Variants in DARS2 observed in about 807,000 individuals in gnomAD.
DARS2 encodes the protein aspartyl-tRNA synthetase 2, mitochondrial.
DARS2 carries 63 observed loss-of-function variants against 83.0 expected under a neutral mutation model. The ratio of observed to expected loss-of-function variants is 0.76; its 90% CI spans 0.62 to 0.94. DARS2 has a LOEUF of 0.94. Ranked by LOEUF, DARS2 falls within the 40% of genes least tolerant of loss-of-function variation. DARS2 has a pLI of 0.00. For missense variants in DARS2, 675 were observed against 774.4 expected (o/e 0.87, Z 1.52); for synonymous variants, 250 against 269.3 (o/e 0.93, Z 0.70).
chr1:173,850,833 C>G (rs1285494017), intron 13 of DARS2, among the ~76,000 whole-genome samples: 1 of 151,762 alleles, frequency 6.6e-6, no homozygotes, highest in Non-Finnish European at 1.5e-5. Context: ...TCAAACTCCT[C>G]AGCTTAGGCA....
intron 2 of DARS2, 90 bp from the exon 3 acceptor site, chr1:173,828,243 A>C (rs371240023): frequency 4.6e-6 from 6 of 1,301,730 alleles, no homozygotes; most frequent in Middle Eastern, 3.7e-4. Flanking sequence ...AATTGCATGG[A>C]TTTTTGTTTG....
intron 7 of DARS2, among the ~76,000 whole-genome samples, chr1:173,835,011 ACCTGAAATGATCCG>A (rs1279258002): frequency 6.6e-6 from 1 of 151,426 alleles, no homozygotes; most frequent in East Asian, 1.9e-4. Flanking sequence ...CGAACACCTG[ACCTGAAATGATCCG>A]CACACCTTGG....
intron 5 of DARS2, among the ~76,000 whole-genome samples, chr1:173,831,878 C>T (rs1240237184): frequency 6.6e-6 from 1 of 152,158 alleles, no homozygotes; most frequent in Non-Finnish European, 1.5e-5. Context: ...AAATGTGATT[C>T]TCTCTTTAAA....
rs1158446508 is a variant in DARS2 at position 173,829,067 on chromosome 1, G to GA, written c.294+677dup. ...AATGAAGAAGTTCTATTCTAATAGG[G>GA]AAAAAAAAATCCAAGGAATACTGTT... is the stretch of plus-strand genomic sequence containing the variant. On this transcript the variant is annotated intron_variant, in intron 3 of 16. Transcript: ENST00000649689. Among the ~76,000 whole-genome samples the GA allele has an allele frequency of 1.9e-4, 29 of 151,088 alleles. 1 individual carries two copies. In the South Asian group the frequency reaches 2.1e-3, roughly 11 times the overall value.
In DARS2 at chr1:173,857,632, C is replaced by T. The variant is rs1471707031; in HGVS notation, c.1865C>T (p.Pro622Leu). The change falls in exon 17 of 17, where the codon CCT becomes CTT. Residue 622 changes from proline to leucine, a missense_variant. Transcript: ENST00000649689. ...ATGAGCAATACCCCAGATTCTGTCC[C>T]TCCTGAGGAACTGAAGCCCTATCAT... is the stretch of plus-strand genomic sequence containing the variant. Reference protein sequence around the residue: ...DLMSNTPDSVPPEELKPYHIR... With the variant: ...DLMSNTPDSVLPEELKPYHIR... The T allele has an allele frequency of 6.2e-7, 1 of 1,614,184 alleles. No individual in the cohort carries two copies.
chr1:173,831,925 ATTG>A (rs1335044975), intron 5 of DARS2, among the ~76,000 whole-genome samples: 2 of 152,138 alleles, frequency 1.3e-5, no homozygotes, highest in Non-Finnish European at 2.9e-5. Flanking sequence ...TTTCGTTGCT[ATTG>A]TTTAACATTT....
intron 15 of DARS2, among the ~76,000 whole-genome samples, chr1:173,855,533 G>A (rs1233528205): frequency 2.6e-5 from 4 of 152,176 alleles, no homozygotes; most frequent in Non-Finnish European, 5.9e-5. Context: ...GCAATGGCAT[G>A]ATCATAACTT....
At chr1:173,855,359 C>G (rs1343812385) in intron 15 of DARS2, among the ~76,000 whole-genome samples, 4 of 152,184 alleles carry the variant, frequency 2.6e-5, no homozygotes, top group African/African-American at 9.7e-5. Flanking sequence ...GCCTTGGCCT[C>G]CCAAAGTCCT....
intron 12 of DARS2, among the ~76,000 whole-genome samples, chr1:173,846,040 C>G (rs971586850): frequency 1.3e-5 from 2 of 152,106 alleles, no homozygotes; most frequent in Non-Finnish European, 2.9e-5. Context: ...GGCCTGTAGT[C>G]CCAGCTACTC....
At chr1:173,838,148 TC>T in intron 8 of DARS2, 41 bp from the exon 9 acceptor site, 1 of 1,499,808 alleles carries the variant, frequency 6.7e-7, no homozygotes, top group Non-Finnish European at 9.3e-7. Context: ...GTGTATGTCT[TC>T]CTAGAATCAT....
Position 173,857,836 on chromosome 1 carries a change from A to G in DARS2, c.*131A>G. 1 of 921,630 alleles carries G rather than the reference A, an allele frequency of 1.1e-6. No individual in the cohort carries two copies. The highest frequency in any genetic ancestry group is 1.7e-6 in the Non-Finnish European group (1 of 583,878). The allele number at this position is 921,630 out of a possible 1,614,324, so 57.1% of individuals were successfully genotyped here. A position where few individuals can be genotyped will look rare whatever the true frequency, so the allele number is the denominator to read the frequency against. On this transcript the variant is annotated 3_prime_UTR_variant, in exon 17 of 17. Transcript: ENST00000649689. The stretch of plus-strand genomic sequence containing the variant: ...TTTAGATGGAAGGAATCCAGGCAAC[A>G]TTCTTCACCACAACGAAGAAACAGA...
Position 173,839,506 on chromosome 1 carries a change from C to T in DARS2, c.980C>T (p.Thr327Ile), listed in dbSNP as rs1315574963. ...ATGACTTTTGCTGAGGTGCTGGCCA[C>T]CTATGGAACTGATAAACCTGACACT... ...PTMTFAEVLA[T>I]YGTDKPDTRF... is the part of the protein sequence containing the mutation. Residue 327 changes from threonine (T) to isoleucine (I), a missense_variant, in exon 10 of 17, where the codon ACC becomes ATC. Physicochemically the swap from Thr to Ile is moderately conservative, Grantham distance 89. Transcript: ENST00000649689. 1.2e-6 allele frequency: 2 copies of T among 1,614,080 alleles called. No individual in the cohort carries two copies. Among genetic ancestry groups the T allele is most frequent in the Non-Finnish European group, 1.7e-6 (2 of 1,180,020 alleles).
intron 11 of DARS2, among the ~76,000 whole-genome samples, chr1:173,841,633 A>T (rs1282312757): frequency 6.6e-6 from 1 of 151,632 alleles, no homozygotes; most frequent in Non-Finnish European, 1.5e-5. Flanking sequence ...GGGAACATAG[A>T]CCTCATCTCT....
chr1:173,853,791 C>CATAACA lies in DARS2; in HGVS notation c.1564-4_1564-3insATAACA. 1 of 1,612,728 alleles carries CATAACA rather than the reference C, an allele frequency of 6.2e-7. No homozygotes were observed. Among genetic ancestry groups the CATAACA allele is most frequent in the Non-Finnish European group, 8.5e-7 (1 of 1,178,760 alleles). On this transcript the variant is annotated splice_region_variant and splice_polypyrimidine_tract_variant and intron_variant, in intron 14 of 16. Transcript: ENST00000649689. Reference sequence around the variant, plus strand: ...CTAACATAAAGTATCTGTGAATCTTCTAGGCCCGTAGCCAACACTATGACT... The same window carrying CATAACA: ...CTAACATAAAGTATCTGTGAATCTTCATAACATAGGCCCGTAGCCAACACTATGACT...
intron 7 of DARS2, among the ~76,000 whole-genome samples, chr1:173,836,254 AT>A (rs1429671012): frequency 6.6e-6 from 1 of 151,488 alleles, no homozygotes; most frequent in Non-Finnish European, 1.5e-5. Flanking sequence ...AAAAATGGAC[AT>A]TTCTGGCCGG....
In DARS2 at chr1:173,838,987, G is replaced by A. The variant is rs983510829; in HGVS notation, c.841-380G>A. Among the ~76,000 whole-genome samples the A allele has an allele frequency of 5.9e-5, 9 of 152,084 alleles. 1 individual carries two copies. The highest frequency in any genetic ancestry group is 3.9e-4 in the East Asian group (2 of 5,184). On this transcript the variant is annotated intron_variant, in intron 9 of 16. Transcript: ENST00000649689. ...CCTGACCTCGTGATCCACCCGCCTC[G>A]GCCTCCCAAAGTGCTAGGTTTACAG... is the stretch of plus-strand genomic sequence containing the variant.
rs1431487154 is a variant in DARS2, at chr1:173,850,436, A to C, written c.1301A>C (p.Glu434Ala). The C allele has an allele frequency of 1.5e-5, 25 of 1,613,972 alleles. No individual in the cohort carries two copies. The highest frequency in any genetic ancestry group is 2.1e-5 in the Non-Finnish European group (25 of 1,179,976). ...TTAATCAGACTAATGGAGACCCAAG[A>C]GGAAGATGTGGTCCTACTAACTGCT... ...LELIRLMETQEEDVVLLTAGE... is the reference protein window; with the variant it reads ...LELIRLMETQAEDVVLLTAGE... Residue 434 changes from glutamate to alanine, a missense_variant, in exon 13 of 17, where the codon GAG becomes GCG. Glu to Ala is a moderately radical substitution (Grantham distance 107, BLOSUM62 -1). Coordinates refer to ENST00000649689, the MANE Select transcript of DARS2 (RefSeq NM_018122.5).
intron 7 of DARS2, among the ~76,000 whole-genome samples, chr1:173,834,758 G>GTTTTT (rs1652930156): frequency 4.9e-5 from 1 of 20,386 alleles, no homozygotes; most frequent in African/African-American, 2.1e-4. Context: ...TTTTTTTTTT[G>GTTTTT]GTTTGTTTTG....
chr1:173,853,199 G>A, intron 13 of DARS2, 150 bp from the exon 14 acceptor site: 1 of 763,250 alleles, frequency 1.3e-6, no homozygotes, highest in East Asian at 2.6e-5. Context: ...CTTATCCTCA[G>A]ATCTTTGTGT....
Sources: allele counts gnomAD v4.1 joint callset (sites outside exome capture counted in the v4.1 genomes callset), GRCh38; gene constraint gnomAD v4.1.1; transcripts MANE v1.5; gene names NCBI Gene and HGNC (gene_info 2026-07-23, HGNC 2026-07-21).